The following SLC25A13 variants were observed in gnomAD, a reference collection of about 807,000 sequenced individuals.
SLC25A13 encodes electrogenic aspartate/glutamate antiporter SLC25A13, mitochondrial.
A neutral mutation model predicts 85.5 loss-of-function variants in SLC25A13; 70 were observed. The observed-to-expected ratio is 0.82, with a 90% CI of 0.68 to 1.00. The LOEUF is 1.00. Among genes scored for constraint, SLC25A13 ranks in the 50% least tolerant of loss-of-function variants. The probability of loss-of-function intolerance (pLI) is 0.00; values close to 1 mark genes in which losing one functional copy is unlikely to be tolerated. For synonymous variants in SLC25A13, 259 were observed against 288.7 expected (o/e 0.90, Z 1.04); for missense variants, 765 against 819.8 (o/e 0.93, Z 0.82).
chr7:96,240,687 T>C (rs1796935268), intron 3 of SLC25A13, among the ~76,000 whole-genome samples: 1 of 147,128 alleles, frequency 6.8e-6, no homozygotes, highest in African/African-American at 2.5e-5. Flanking sequence ...AAGACTGCAG[T>C]GAGCTATGAC....
rs367558778 is a variant in SLC25A13, at chr7:96,128,752, TATAATAATAATAATA to T, written c.1591+2976_1591+2990del. Among the ~76,000 whole-genome samples the T allele has an allele frequency of 1.4e-3, 200 of 139,966 alleles. No homozygotes were observed. The East Asian group carries it at 0.024, about 17-fold the overall frequency. The allele number at this position is 139,966 out of a possible 152,430, so 91.8% of individuals were successfully genotyped here. A position where few individuals can be genotyped will look rare whatever the true frequency, so the allele number is the denominator to read the frequency against. On this transcript the variant is annotated intron_variant, in intron 15 of 17. Transcript: ENST00000265631. ...TGCACATGTATCCCAGAACTTAAAGTATAATAATAATAATAATAATAATAATAATAATAATAATAA... is the reference window on the plus strand; with the variant it reads ...TGCACATGTATCCCAGAACTTAAAGTATAATAATAATAATAATAATAATAA...
chr7:96,184,020 A>T (rs1794523837), intron 11 of SLC25A13, among the ~76,000 whole-genome samples: 1 of 152,214 alleles, frequency 6.6e-6, no homozygotes, highest in Non-Finnish European at 1.5e-5. Flanking sequence ...AATTCACGGA[A>T]GATGCTTATA....
chr7:96,216,301 G>T (rs534515603), intron 4 of SLC25A13, among the ~76,000 whole-genome samples: 21 of 152,178 alleles, frequency 1.4e-4, no homozygotes, highest in Non-Finnish European at 2.6e-4. Flanking sequence ...CTGTTGGTGG[G>T]AGTGTAAATT....
chr7:96,192,912 A>C, intron 6 of SLC25A13, 125 bp downstream of exon 6: 4 of 1,029,718 alleles, frequency 3.9e-6, no homozygotes, highest in Non-Finnish European at 4.4e-6. Context: ...TTAGTAATGT[A>C]TGTGATCACA....
intron 5 of SLC25A13, among the ~76,000 whole-genome samples, chr7:96,195,829 G>A (rs895852868): frequency 6.6e-6 from 1 of 152,104 alleles, no homozygotes; most frequent in Non-Finnish European, 1.5e-5. Flanking sequence ...AATATAACCA[G>A]GCCTTATAAC....
intron 3 of SLC25A13, among the ~76,000 whole-genome samples, chr7:96,238,263 G>A (rs948961793): frequency 5.9e-5 from 9 of 152,168 alleles, no homozygotes; most frequent in African/African-American, 2.2e-4. Flanking sequence ...AACACCAAAG[G>A]TTGCCCGCCC....
At chr7:96,248,653 C>G (rs909079675) in intron 3 of SLC25A13, among the ~76,000 whole-genome samples, 10 of 152,158 alleles carry the variant, frequency 6.6e-5, no homozygotes, top group African/African-American at 1.9e-4. Context: ...ATCACGAGTT[C>G]AGTCTGGGGG....
At chr7:96,180,475 C>G (rs1358872265) in intron 11 of SLC25A13, among the ~76,000 whole-genome samples, 1 of 152,146 alleles carries the variant, frequency 6.6e-6, no homozygotes, top group African/African-American at 2.4e-5. Flanking sequence ...CGATTACAGG[C>G]CCGCCATTAT....
chr7:96,180,252 T>C (rs1007449252), intron 11 of SLC25A13, among the ~76,000 whole-genome samples: 10 of 152,244 alleles, frequency 6.6e-5, no homozygotes, highest in Non-Finnish European at 1.5e-4. Flanking sequence ...TAATTACTCT[T>C]TCTGGGAGAT....
Position 96,121,048 on chromosome 7 carries a change from T to C in SLC25A13, c.*143A>G. ...GTTAAGAAAACACCCAGAAAATGAATGATTTCACATGATAAAAAAGCCTGG... is the reference window on the plus strand; with the variant it reads ...GTTAAGAAAACACCCAGAAAATGAACGATTTCACATGATAAAAAAGCCTGG... On this transcript the variant is annotated 3_prime_UTR_variant, in exon 18 of 18. Coordinates refer to ENST00000265631, the MANE Select transcript of SLC25A13 (RefSeq NM_014251.3). 1.1e-6 allele frequency: 1 copy of C among 893,540 alleles called. No individual in the cohort carries two copies. The highest frequency in any genetic ancestry group is 1.8e-6 in the Non-Finnish European group (1 of 552,932). 55.4% of individuals were successfully genotyped at this position (893,540 alleles called of 1,614,324 possible).
chr7:96,213,971 A>G lies in SLC25A13; in HGVS notation c.329-4994T>C, dbSNP rs561336786. On this transcript the variant is annotated intron_variant, in intron 4 of 17. Transcript: ENST00000265631. ...TTGTTGTTATTTCAGTCTGTGCCAAACAAGCTATGTTTGGAAGGCCTGTAG... is the reference window on the plus strand; with the variant it reads ...TTGTTGTTATTTCAGTCTGTGCCAAGCAAGCTATGTTTGGAAGGCCTGTAG... 7.9e-5 allele frequency among the ~76,000 whole-genome samples: 12 copies of G among 152,334 alleles called. 1 individual carries two copies. The South Asian group carries it at 2.5e-3, about 32-fold the overall frequency.
intron 14 of SLC25A13, among the ~76,000 whole-genome samples, chr7:96,136,057 G>T (rs368443271): frequency 1.2e-4 from 18 of 151,960 alleles, no homozygotes; most frequent in African/African-American, 4.4e-4. Flanking sequence ...CTAATATCCA[G>T]ACAGGGACAA....
rs537761835 is a variant in SLC25A13 at position 96,302,239 on chromosome 7, G to C, written c.16-5288C>G. Among the ~76,000 whole-genome samples the C allele has an allele frequency of 1.8e-4, 28 of 152,244 alleles. No individual in the cohort carries two copies. In the South Asian group the frequency reaches 5.2e-3, roughly 28 times the overall value. On this transcript the variant is annotated intron_variant, in intron 1 of 17. Transcript: ENST00000265631. Reference sequence around the variant, plus strand: ...TTTTAAAAAGGCAGGGGGTAGGGGAGAACATGGCAAGAAGAATACAAAAGT... The same window carrying C: ...TTTTAAAAAGGCAGGGGGTAGGGGACAACATGGCAAGAAGAATACAAAAGT...
chr7:96,228,679 C>G (rs1796409273), intron 4 of SLC25A13, among the ~76,000 whole-genome samples: 1 of 152,202 alleles, frequency 6.6e-6, no homozygotes, highest in African/African-American at 2.4e-5. Flanking sequence ...CCAGAGCCAG[C>G]TCCCTCTGCT....
intron 14 of SLC25A13, 76 bp downstream of exon 14, chr7:96,146,480 T>G: frequency 2.6e-6 from 4 of 1,567,518 alleles, no homozygotes; most frequent in Non-Finnish European, 3.5e-6. Flanking sequence ...AAAATGGATT[T>G]CATGTTGAAG....
At chr7:96,255,618 T>C (rs555775454) in intron 3 of SLC25A13, among the ~76,000 whole-genome samples, 286 of 152,184 alleles carry the variant, frequency 1.9e-3, no homozygotes, top group African/African-American at 6.4e-3. Flanking sequence ...GCCCAGGCGG[T>C]TGAGGCTGCA....
At chr7:96,293,849 A>C (rs1799229870) in intron 2 of SLC25A13, among the ~76,000 whole-genome samples, 1 of 152,218 alleles carries the variant, frequency 6.6e-6, no homozygotes, top group African/African-American at 2.4e-5. Flanking sequence ...AAACTAGTTC[A>C]ACCATTGTGG....
intron 2 of SLC25A13, among the ~76,000 whole-genome samples, chr7:96,295,816 G>A (rs1231282978): frequency 6.6e-6 from 1 of 151,074 alleles, no homozygotes; most frequent in African/African-American, 2.4e-5. Context: ...ATAATGTTTA[G>A]AAAAACATAT....
intron 5 of SLC25A13, among the ~76,000 whole-genome samples, chr7:96,197,241 C>T (rs971884661): frequency 2.0e-5 from 3 of 152,150 alleles, no homozygotes; most frequent in African/African-American, 7.2e-5. Flanking sequence ...ACTCAATTTG[C>T]ATTTAATGCT....
Sources: allele counts gnomAD v4.1 joint callset (sites outside exome capture counted in the v4.1 genomes callset), GRCh38; gene constraint gnomAD v4.1.1; transcripts MANE v1.5; gene names NCBI Gene and HGNC (gene_info 2026-07-23, HGNC 2026-07-21).